Variants in ZNF385D observed in about 807,000 individuals in gnomAD.
The protein encoded by ZNF385D is zinc finger protein 385D, also known as zinc finger protein 659.
In ZNF385D, 15 loss-of-function variants were observed where a neutral mutation model predicts 35.8. The ratio of observed to expected loss-of-function variants is 0.42; its 90% confidence interval spans 0.28 to 0.64. The LOEUF is 0.64. Among genes scored for constraint, ZNF385D ranks in the 30% least tolerant of loss-of-function variants. The probability of loss-of-function intolerance (pLI) is 0.23; values close to 1 mark genes in which losing one functional copy is unlikely to be tolerated. For synonymous variants in ZNF385D, 212 were observed against 186.8 expected (o/e 1.13, Z -1.10); for missense variants, 474 against 494.6 (o/e 0.96, Z 0.39).
chr3:22,336,908 T>TAAAAAAAAAAAA (rs1559527421), intron 2 of ZNF385D, among the ~76,000 whole-genome samples: 3 of 1,054 alleles, frequency 2.8e-3, no homozygotes, highest in East Asian at 0.038. Context: ...CAGTGATTTT[T>TAAAAAAAAAAAA]CAAAAAAAAA....
At chr3:22,358,887 T>C (rs550112726) in intron 2 of ZNF385D, among the ~76,000 whole-genome samples, 1 of 151,726 alleles carries the variant, frequency 6.6e-6, no homozygotes, top group East Asian at 1.9e-4. Context: ...GACACTCACC[T>C]ACACAGTTAT....
In ZNF385D at chr3:22,339,028, T is replaced by C. The variant is rs150556943; in HGVS notation, c.106+33422A>G. Among the ~76,000 whole-genome samples, 646 of 152,162 alleles carry C rather than the reference T, an allele frequency of 4.2e-3. 4 individuals are homozygous for C. Among genetic ancestry groups the C allele is most frequent in the African/African-American group, 0.015 (604 of 41,530 alleles). The stretch of plus-strand genomic sequence containing the variant: ...ATCTCACTTTTTAAAAAAGAAAACA[T>C]TGATGTTTAAATACATATATATAGA... On this transcript the variant is annotated intron_variant, in intron 2 of 5. Coordinates refer to the ZNF385D transcript ENST00000494108.
intron 3 of ZNF385D, among the ~76,000 whole-genome samples, chr3:22,020,037 AACTTTATTTTTAAACAAAAT>A (rs1697129275): frequency 6.7e-6 from 1 of 150,344 alleles, no homozygotes; most frequent in Non-Finnish European, 1.5e-5. Flanking sequence ...TAATATTATT[AACTTTATTTTTAAACAAAAT>A]TCATACAATT....
chr3:21,741,840 G>C (rs988452480), intron 1 of ZNF385D, among the ~76,000 whole-genome samples: 1 of 152,084 alleles, frequency 6.6e-6, no homozygotes, highest in Non-Finnish European at 1.5e-5. Flanking sequence ...CAGGGTTCCT[G>C]CCCTGCTCGC....
chr3:22,028,510 G>C (rs763357851), intron 3 of ZNF385D, among the ~76,000 whole-genome samples: 47 of 152,162 alleles, frequency 3.1e-4, no homozygotes, highest in Admixed American at 1.8e-3. Context: ...GGGGTGATCA[G>C]CCAGCTACCT....
intron 3 of ZNF385D, among the ~76,000 whole-genome samples, chr3:21,816,188 TAA>T (rs1321599402): frequency 2.6e-5 from 4 of 152,080 alleles, no homozygotes; most frequent in African/African-American, 9.7e-5. Flanking sequence ...CTCAAAATAA[TAA>T]GAGCTATTTA....
intron 3 of ZNF385D, among the ~76,000 whole-genome samples, chr3:21,892,289 A>G (rs777977890): frequency 6.6e-6 from 1 of 152,226 alleles, no homozygotes; most frequent in Non-Finnish European, 1.5e-5. Context: ...AAAGCGCTAC[A>G]GTGCCAGGAA....
intron 3 of ZNF385D, among the ~76,000 whole-genome samples, chr3:21,758,827 C>T (rs1201015212): frequency 1.3e-5 from 2 of 151,834 alleles, no homozygotes; most frequent in Non-Finnish European, 2.9e-5. Context: ...CAGAGGCAGA[C>T]ACTGGCCTCT....
intron 3 of ZNF385D, among the ~76,000 whole-genome samples, chr3:21,943,463 G>T (rs1325753162): frequency 1.3e-5 from 2 of 151,322 alleles, no homozygotes; most frequent in Non-Finnish European, 3.0e-5. Context: ...CAACATCATG[G>T]AAAAAAATGA....
intron 3 of ZNF385D, among the ~76,000 whole-genome samples, chr3:21,763,245 C>G (rs969149083): frequency 2.6e-5 from 4 of 152,144 alleles, no homozygotes; most frequent in Non-Finnish European, 4.4e-5. Flanking sequence ...TGTACTCTGT[C>G]TGAGTAACAG....
intron 3 of ZNF385D, among the ~76,000 whole-genome samples, chr3:22,081,844 T>G (rs994174077): frequency 7.9e-5 from 12 of 152,190 alleles, no homozygotes; most frequent in Non-Finnish European, 1.5e-4. Context: ...CAATTGTGTA[T>G]GAATTCACTG....
At chr3:21,529,301 C>T (rs1479007323) in intron 3 of ZNF385D, among the ~76,000 whole-genome samples, 5 of 151,860 alleles carry the variant, frequency 3.3e-5, no homozygotes, top group African/African-American at 1.2e-4. Context: ...TGACTTTGAC[C>T]GAATAAATAA....
intron 3 of ZNF385D, among the ~76,000 whole-genome samples, chr3:22,027,677 G>A (rs539414718): frequency 7.9e-5 from 12 of 152,184 alleles, no homozygotes; most frequent in South Asian, 2.1e-4. Flanking sequence ...AGTGGGTCAC[G>A]CACAGCTGCA....
chr3:21,967,547 G>A (rs979685267), intron 3 of ZNF385D, among the ~76,000 whole-genome samples: 5 of 152,188 alleles, frequency 3.3e-5, no homozygotes, highest in Non-Finnish European at 5.9e-5. Context: ...CTGGAGAGAA[G>A]GAAAGCTTAT....
At chr3:22,083,436 G>T (rs150039403) in intron 3 of ZNF385D, among the ~76,000 whole-genome samples, 162 of 152,320 alleles carry the variant, frequency 1.1e-3, no homozygotes, top group Middle Eastern at 0.01. Context: ...CGTGAAGCAT[G>T]CACAAGCTTC....
At chr3:22,284,488 C>T (rs909461333) in intron 2 of ZNF385D, among the ~76,000 whole-genome samples, 1 of 152,002 alleles carries the variant, frequency 6.6e-6, no homozygotes, top group Non-Finnish European at 1.5e-5. Context: ...CTGCACCTGT[C>T]CCCAACACAG....
chr3:22,145,417 C>T (rs1704789334), intron 3 of ZNF385D, among the ~76,000 whole-genome samples: 1 of 152,216 alleles, frequency 6.6e-6, no homozygotes, highest in African/African-American at 2.4e-5. Flanking sequence ...GAAGAAGTCT[C>T]CTCTCTTCAT....
chr3:21,869,403 A>T (rs1697564491), intron 3 of ZNF385D, among the ~76,000 whole-genome samples: 1 of 152,110 alleles, frequency 6.6e-6, no homozygotes, highest in Non-Finnish European at 1.5e-5. Context: ...ATCTTACAAC[A>T]TGTGATCCCC....
At chr3:21,570,486 T>A (rs1161928434) in intron 2 of ZNF385D, among the ~76,000 whole-genome samples, 2 of 152,338 alleles carry the variant, frequency 1.3e-5, no homozygotes, top group Non-Finnish European at 2.9e-5. Flanking sequence ...CTATTATTAC[T>A]GTGGCTTTCA....
Sources: gnomAD v4.1 joint callset for allele counts (sites outside exome capture counted in the v4.1 genomes callset) on GRCh38, gnomAD v4.1.1 for gene constraint, MANE v1.5 for transcripts, NCBI Gene and HGNC (gene_info 2026-07-23, HGNC 2026-07-21) for gene names.